MAP7: variants seen among roughly 807,000 people sequenced by gnomAD.
The protein encoded by MAP7 is ensconsin.
A neutral mutation model predicts 94.8 loss-of-function variants in MAP7; 52 were observed. The ratio of observed to expected loss-of-function variants is 0.55; its 90% confidence interval spans 0.44 to 0.69. The LOEUF (loss-of-function observed/expected upper bound fraction) is 0.69, where lower values mean the gene tolerates loss of function less well. Ranked by LOEUF, MAP7 falls within the 30% of genes least tolerant of loss-of-function variation. The pLI, the probability that MAP7 is intolerant of heterozygous loss-of-function variation, is 0.00. For synonymous variants in MAP7, 350 were observed against 357.0 expected (o/e 0.98, Z 0.22); for missense variants, 940 against 964.6 (o/e 0.97, Z 0.34).
At chr6:136,443,449 C>CT (rs149514831) in intron 1 of MAP7, among the ~76,000 whole-genome samples, 5,986 of 99,876 alleles carry the variant, frequency 0.06, 414 homozygotes, top group African/African-American at 0.16. Context: ...TCCCCTTCTA[C>CT]TTTTTTTTTT....
At chr6:136,452,470 T>C (rs1582954330) in intron 1 of MAP7, among the ~76,000 whole-genome samples, 1 of 152,232 alleles carries the variant, frequency 6.6e-6, no homozygotes, top group South Asian at 2.1e-4. Context: ...AGTCTACTGA[T>C]GCAATCAACT....
chr6:136,389,122 T>C (rs1779969559), intron 4 of MAP7, among the ~76,000 whole-genome samples: 2 of 152,212 alleles, frequency 1.3e-5, no homozygotes, highest in South Asian at 2.1e-4. Flanking sequence ...CAATAAGTTA[T>C]AGGTTTGGAC....
intron 1 of MAP7, among the ~76,000 whole-genome samples, chr6:136,423,355 A>G (rs1411356642): frequency 6.6e-6 from 1 of 152,214 alleles, no homozygotes; most frequent in Non-Finnish European, 1.5e-5. Flanking sequence ...ACAGAAAGGT[A>G]GTTCATTGCC....
chr6:136,383,853 AG>A, intron 5 of MAP7, 72 bp from the exon 6 acceptor site: 1 of 839,766 alleles, frequency 1.2e-6, no homozygotes, highest in Non-Finnish European at 2.0e-6. Flanking sequence ...CACTGATGGA[AG>A]GAAAAACTAG....
At chr6:136,410,443 C>T (rs112351587) in intron 3 of MAP7, among the ~76,000 whole-genome samples, 60 of 152,346 alleles carry the variant, frequency 3.9e-4, no homozygotes, top group Admixed American at 9.1e-4. Context: ...TGAGCATATT[C>T]ACAGGAGGAA....
chr6:136,420,976 G>A (rs1406931310), intron 2 of MAP7, among the ~76,000 whole-genome samples: 1 of 152,152 alleles, frequency 6.6e-6, no homozygotes, highest in Non-Finnish European at 1.5e-5. Context: ...ACCTCATGGG[G>A]TATTCGGCTT....
At chr6:136,415,485 C>T (rs1789080741) in intron 2 of MAP7, among the ~76,000 whole-genome samples, 1 of 152,114 alleles carries the variant, frequency 6.6e-6, no homozygotes, top group Admixed American at 6.5e-5. Context: ...GGACACATGC[C>T]ACTCCTGACA....
intron 1 of MAP7, among the ~76,000 whole-genome samples, chr6:136,469,554 AG>A (rs1020596976): frequency 2.6e-4 from 39 of 151,650 alleles, no homozygotes; most frequent in Middle Eastern, 3.4e-3. Flanking sequence ...GCTTTTTTGG[AG>A]GGGGGTAGGG....
intron 1 of MAP7, among the ~76,000 whole-genome samples, chr6:136,520,347 T>C (rs1384202273): frequency 1.3e-5 from 2 of 152,230 alleles, no homozygotes; most frequent in Non-Finnish European, 2.9e-5. Context: ...TCTTTCCAAG[T>C]AGTTACCTTG....
chr6:136,446,626 A>G (rs1799448808), intron 1 of MAP7, among the ~76,000 whole-genome samples: 1 of 152,210 alleles, frequency 6.6e-6, no homozygotes, highest in Non-Finnish European at 1.5e-5. Context: ...ACCAGCTCCA[A>G]CCTGAGGCTA....
chr6:136,518,457 T>C (rs1012666784), intron 1 of MAP7, among the ~76,000 whole-genome samples: 2 of 152,238 alleles, frequency 1.3e-5, no homozygotes, highest in Non-Finnish European at 2.9e-5. Flanking sequence ...CAATGCCTTA[T>C]GTCCATCTGT....
At chr6:136,347,129 C>A (rs532097027) in intron 16 of MAP7, among the ~76,000 whole-genome samples, 1 of 149,480 alleles carries the variant, frequency 6.7e-6, no homozygotes, top group African/African-American at 2.5e-5. Flanking sequence ...TATTATTATG[C>A]TTTACAATGT....
chr6:136,351,237 A>T (rs368977966), intron 16 of MAP7, among the ~76,000 whole-genome samples: 4 of 133,390 alleles, frequency 3.0e-5, no homozygotes, highest in African/African-American at 6.3e-5. Flanking sequence ...TTTTGATGGT[A>T]AAAAAAAAAA....
intron 14 of MAP7, 51 bp downstream of exon 14, chr6:136,359,930 T>A (rs760845803): frequency 6.2e-7 from 1 of 1,608,828 alleles, no homozygotes; most frequent in African/African-American, 1.3e-5. Context: ...CAAGTGAAAA[T>A]GAAAAAGATA....
chr6:136,455,504 A>G lies in MAP7; in HGVS notation c.68-33705T>C, dbSNP rs149838804. ...AAATGGACCTAAAAGACATATATAG[A>G]ATATTTCACCTCAGAGCAGCAGAAG... On this transcript the variant is annotated intron_variant, in intron 1 of 17. Transcript: ENST00000354570. Among the ~76,000 whole-genome samples, 234 of 152,292 alleles carry G rather than the reference A, an allele frequency of 1.5e-3. 2 individuals are homozygous for G. The highest frequency in any genetic ancestry group is 5.1e-3 in the African/African-American group (211 of 41,572).
intron 1 of MAP7, among the ~76,000 whole-genome samples, chr6:136,422,506 G>A (rs558998086): frequency 1.3e-5 from 2 of 152,172 alleles, no homozygotes; most frequent in Non-Finnish European, 2.9e-5. Flanking sequence ...CATTCTAGGC[G>A]AACATCAGAG....
intron 1 of MAP7, among the ~76,000 whole-genome samples, chr6:136,536,035 T>C (rs1167456776): frequency 6.6e-6 from 1 of 152,174 alleles, no homozygotes; most frequent in Non-Finnish European, 1.5e-5. Context: ...TTGAGAATGA[T>C]GGTTTCCAGC....
At chr6:136,469,198 C>T (rs1350299852) in intron 1 of MAP7, among the ~76,000 whole-genome samples, 3 of 152,124 alleles carry the variant, frequency 2.0e-5, no homozygotes, top group African/African-American at 7.2e-5. Flanking sequence ...GAGGCATGAT[C>T]CTAAATCCAC....
At chr6:136,413,611 C>T (rs1318416466) in intron 2 of MAP7, among the ~76,000 whole-genome samples, 1 of 151,788 alleles carries the variant, frequency 6.6e-6, no homozygotes, top group Non-Finnish European at 1.5e-5. Flanking sequence ...TCCCAAATGT[C>T]TTTTTTTTAT....
Sources: gnomAD v4.1 joint callset for allele counts (sites outside exome capture counted in the v4.1 genomes callset) on GRCh38, gnomAD v4.1.1 for gene constraint, MANE v1.5 for transcripts, NCBI Gene and HGNC (gene_info 2026-07-23, HGNC 2026-07-21) for gene names.